GNG7: variants seen among roughly 807,000 people sequenced by gnomAD.
GNG7 encodes the protein guanine nucleotide-binding protein G(I)/G(S)/G(O) subunit gamma-7.
In GNG7, 1 loss-of-function variant was observed where a neutral mutation model predicts 4.0. That is an observed-to-expected ratio of 0.25 (90% CI 0.09 to 1.18). GNG7 has a LOEUF of 1.18. GNG7 is among the 50% of genes most tolerant of loss of function. The pLI, the probability that GNG7 is intolerant of heterozygous loss-of-function variation, is 0.50. For synonymous variants in GNG7, 34 were observed against 36.9 expected, an observed-to-expected ratio of 0.92 and a Z score of 0.29; for missense variants, 86 against 91.9, an observed-to-expected ratio of 0.94 and a Z score of 0.26.
At chr19:2,562,658 C>G (rs1174538683) in intron 2 of GNG7, among the ~76,000 whole-genome samples, 4 of 152,090 alleles carry the variant, frequency 2.6e-5, no homozygotes, top group Non-Finnish European at 5.9e-5. Context: ...AGCAGGTGCC[C>G]CCAGACATTT....
intron 2 of GNG7, among the ~76,000 whole-genome samples, chr19:2,575,982 G>GAC (rs1209718480): frequency 7.0e-6 from 1 of 143,710 alleles, no homozygotes; most frequent in Non-Finnish European, 1.5e-5. Context: ...CATGCAGGCA[G>GAC]ACACACACAT....
intron 1 of GNG7, among the ~76,000 whole-genome samples, chr19:2,681,141 C>A (rs1385471990): frequency 6.7e-6 from 1 of 149,804 alleles, no homozygotes; most frequent in Non-Finnish European, 1.5e-5. Context: ...CCCAGCAGGC[C>A]TGGCTAATTT....
At chr19:2,669,308 G>A (rs959979411) in intron 1 of GNG7, among the ~76,000 whole-genome samples, 1 of 152,048 alleles carries the variant, frequency 6.6e-6, no homozygotes, top group African/African-American at 2.4e-5. Context: ...TGACCAACAT[G>A]GTGAAACCCC....
intron 1 of GNG7, among the ~76,000 whole-genome samples, chr19:2,667,874 C>T (rs1983349869): frequency 2.0e-5 from 3 of 152,022 alleles, no homozygotes. Context: ...GAGATTGCAC[C>T]ACTGTACTCC....
chr19:2,515,986 G>A (rs1181252698), intron 4 of GNG7, among the ~76,000 whole-genome samples: 2 of 151,772 alleles, frequency 1.3e-5, no homozygotes, highest in Non-Finnish European at 2.9e-5. Context: ...AGGCGGAGGC[G>A]GGAGGATCAC....
chr19:2,531,484 T>C (rs1450155656), intron 3 of GNG7, among the ~76,000 whole-genome samples: 1 of 151,736 alleles, frequency 6.6e-6, no homozygotes, highest in Non-Finnish European at 1.5e-5. Context: ...TGGAGGAAAA[T>C]AATACGATCC....
chr19:2,673,257 CAAAAA>C (rs754605877), intron 1 of GNG7, among the ~76,000 whole-genome samples: 7 of 108,198 alleles, frequency 6.5e-5, no homozygotes, highest in African/African-American at 9.9e-5. Flanking sequence ...GATTCCATCT[CAAAAA>C]AAAAACAAAA....
At chr19:2,685,906 T>TC (rs1292775270) in intron 1 of GNG7, among the ~76,000 whole-genome samples, 1 of 152,094 alleles carries the variant, frequency 6.6e-6, no homozygotes. Context: ...CCATTCACTG[T>TC]CCCCGCGAGA....
Position 2,673,277 on chromosome 19 carries a change from AC to A in GNG7, c.-134-26998del, listed in dbSNP as rs1290137046. 1.4e-3 allele frequency among the ~76,000 whole-genome samples: 208 copies of A among 148,172 alleles called. 4 individuals are homozygous for A. The highest frequency in any genetic ancestry group is 4.4e-3 in the African/African-American group (176 of 40,400). The stretch of plus-strand genomic sequence containing the variant: ...CATCTCAAAAAAAAAACAAAACAAA[AC>A]AAAACAAAACAAAAAAAAACCCAGC... On this transcript the variant is annotated intron_variant, in intron 1 of 4. Transcript: ENST00000382159.
rs1982249426 is a variant in GNG7 at position 2,634,326 on chromosome 19, C to A, written c.-78+11898G>T. Among the ~76,000 whole-genome samples the A allele has an allele frequency of 6.6e-6, 1 of 152,212 alleles. No individual in the cohort carries two copies. Among genetic ancestry groups the A allele is most frequent in the African/African-American group, 2.4e-5 (1 of 41,440 alleles). ...ATCCCTGGCCTCCACCCACTCCATG[C>A]CAGGAGCTCCCCCAAGTCGCGAAAA... is the stretch of plus-strand genomic sequence containing the variant. On this transcript the variant is annotated intron_variant, in intron 2 of 4. Coordinates refer to ENST00000382159, the MANE Select transcript of GNG7 (RefSeq NM_052847.3). This position sits in a 1 kb window ranked among gnomAD's most constrained non-coding sequence, Gnocchi z 5.3.
At position 2,557,309 on chromosome 19, in the gene GNG7, GCA is replaced by G. The variant is rs1015687879; in HGVS notation, c.-77-2123_-77-2122del. Among the ~76,000 whole-genome samples, 38 of 120,972 alleles carry G rather than the reference GCA, an allele frequency of 3.1e-4. No homozygotes were observed. The highest frequency in any genetic ancestry group is 1.3e-3 in the Admixed American group (15 of 11,914). 79.4% of individuals were successfully genotyped at this position (120,972 alleles called of 152,430 possible). A position where few individuals can be genotyped will look rare whatever the true frequency, so the allele number is the denominator to read the frequency against. ...TGCACACACAGAGGTGCACATACAC[GCA>G]CAGACACACATGTGCACACAGACAC... On this transcript the variant is annotated intron_variant, in intron 2 of 4. Transcript: ENST00000382159. This position sits in a 1 kb window ranked among gnomAD's most constrained non-coding sequence, Gnocchi z 5.1.
rs1259433698 is a variant in GNG7, at chr19:2,567,350, T to TGTGTGTGTGTGTGTGTGTGTGTGTGA, written c.-77-12163_-77-12162insTCACACACACACACACACACACACAC. On this transcript the variant is annotated intron_variant, in intron 2 of 4. Transcript: ENST00000382159. ...GTCGATTTGTGTGTGTGTGTGTGTG[T>TGTGTGTGTGTGTGTGTGTGTGTGTGA]GACATAGGGTCTCACTCTGTCACCC... Among the ~76,000 whole-genome samples, 973 of 150,886 alleles carry TGTGTGTGTGTGTGTGTGTGTGTGTGA rather than the reference T, an allele frequency of 6.4e-3. 16 individuals carry two copies. Among genetic ancestry groups the TGTGTGTGTGTGTGTGTGTGTGTGTGA allele is most frequent in the African/African-American group, 0.023 (930 of 40,568 alleles).
chr19:2,685,520 G>A (rs977991872), intron 1 of GNG7, among the ~76,000 whole-genome samples: 2 of 152,016 alleles, frequency 1.3e-5, no homozygotes, highest in African/African-American at 2.4e-5. Context: ...AGCTACTTGG[G>A]AGGTTGAGAC....
At chr19:2,594,766 CAAT>C (rs1340943501) in intron 2 of GNG7, among the ~76,000 whole-genome samples, 1 of 152,116 alleles carries the variant, frequency 6.6e-6, no homozygotes, top group Non-Finnish European at 1.5e-5. Context: ...TGATTATCAA[CAAT>C]AATTTCCTGT....
chr19:2,652,550 C>G (rs1490196872), intron 1 of GNG7, among the ~76,000 whole-genome samples: 1 of 152,120 alleles, frequency 6.6e-6, no homozygotes, highest in African/African-American at 2.4e-5. Flanking sequence ...ACCCGAGAGG[C>G]AGAGGTTGCA....
chr19:2,648,266 C>T (rs1414707038), intron 1 of GNG7, among the ~76,000 whole-genome samples: 1 of 150,720 alleles, frequency 6.6e-6, no homozygotes, highest in Non-Finnish European at 1.5e-5. Flanking sequence ...CATGGTGGTG[C>T]AAACCTGTAG....
At chr19:2,645,576 T>C (rs1270138171) in intron 2 of GNG7, among the ~76,000 whole-genome samples, 1 of 151,984 alleles carries the variant, frequency 6.6e-6, no homozygotes, top group Non-Finnish European at 1.5e-5. Flanking sequence ...TGTTTTAAGA[T>C]TTTTAAGTAA....
In GNG7 at chr19:2,658,410, A is replaced by G. The variant is rs370330073; in HGVS notation, c.-134-12130T>C. 7.2e-5 allele frequency among the ~76,000 whole-genome samples: 11 copies of G among 152,264 alleles called. No individual in the cohort carries two copies. The East Asian group carries it at 1.9e-3, about 27-fold the overall frequency. ...GGCTTTTTAGCCCCGAGCTTTATAA[A>G]AATAAGCCAAGTATAAACAAAACGT... On this transcript the variant is annotated intron_variant, in intron 1 of 4. Transcript: ENST00000382159.
At chr19:2,659,350 G>A (rs935187571) in intron 1 of GNG7, among the ~76,000 whole-genome samples, 1 of 150,666 alleles carries the variant, frequency 6.6e-6, no homozygotes, top group Non-Finnish European at 1.5e-5. Context: ...AGGCTGAGAT[G>A]GGGGGATCAC....
Sources: allele counts gnomAD v4.1 joint callset (sites outside exome capture counted in the v4.1 genomes callset), GRCh38; gene constraint gnomAD v4.1.1; non-coding constraint Gnocchi (gnomAD v3.1); transcripts MANE v1.5; gene names NCBI Gene and HGNC (gene_info 2026-07-23, HGNC 2026-07-21).